The following SAMMSON variants were observed in gnomAD, a reference collection of about 807,000 sequenced individuals.
SAMMSON encodes the protein survival associated mitochondrial melanoma specific oncogenic non-coding RNA.
chr3:70,379,197 A>G (rs931283914), intron 9 of SAMMSON, among the ~76,000 whole-genome samples: 1 of 152,014 alleles, frequency 6.6e-6, no homozygotes, highest in Non-Finnish European at 1.5e-5. Flanking sequence ...TATTTTTAGT[A>G]GAGAAGGTGT....
chr3:70,279,445 A>T (rs975634168), intron 6 of SAMMSON, among the ~76,000 whole-genome samples: 1 of 152,084 alleles, frequency 6.6e-6, no homozygotes, highest in Non-Finnish European at 1.5e-5. Context: ...CACATCTCTG[A>T]GTACATTGTC....
rs137941448 is a variant in SAMMSON, at chr3:70,326,742, A to T, written n.740-27433A>T. ...TATTTTTGTTATTCAATTACCCCAT[A>T]AATAGATATTCTATGGACATGAGAA... is the stretch of plus-strand genomic sequence containing the variant. On this transcript the variant is annotated intron_variant and non_coding_transcript_variant, in intron 7 of 9. Transcript: ENST00000642114. Among the ~76,000 whole-genome samples, 336 of 152,316 alleles carry T rather than the reference A, an allele frequency of 2.2e-3. 1 individual carries two copies. The Middle Eastern group carries it at 0.024, about 11-fold the overall frequency.
At chr3:70,403,325 A>G (rs1184289372) in intron 2 of SAMMSON, among the ~76,000 whole-genome samples, 1 of 152,188 alleles carries the variant, frequency 6.6e-6, no homozygotes, top group Non-Finnish European at 1.5e-5. Context: ...GCCAGGGGAT[A>G]GGGGCCAAAA....
intron 3 of SAMMSON, among the ~76,000 whole-genome samples, chr3:70,028,178 C>T (rs200189784): frequency 0.034 from 2,401 of 69,788 alleles, 31 homozygotes; most frequent in Non-Finnish European, 0.054. Flanking sequence ...TTCCTTCCTT[C>T]CTTCCTTCCT....
chr3:70,291,670 G>A (rs1249440760), intron 7 of SAMMSON, among the ~76,000 whole-genome samples: 1 of 152,158 alleles, frequency 6.6e-6, no homozygotes, highest in Admixed American at 6.5e-5. Context: ...AGATTTGCTA[G>A]CTTTTTCCCA....
At chr3:70,001,376 G>A (rs1027240386) in intron 1 of SAMMSON, among the ~76,000 whole-genome samples, 1 of 151,612 alleles carries the variant, frequency 6.6e-6, no homozygotes, top group Non-Finnish European at 1.5e-5. Context: ...ATACAGAAAT[G>A]AATGGGACAG....
intron 3 of SAMMSON, among the ~76,000 whole-genome samples, chr3:70,015,878 A>G (rs1477647899): frequency 6.6e-6 from 1 of 152,050 alleles, no homozygotes; most frequent in Non-Finnish European, 1.5e-5. Context: ...CCGTGTCCCT[A>G]CAAAGGACAT....
At chr3:70,140,036 A>G (rs920551948) in intron 4 of SAMMSON, among the ~76,000 whole-genome samples, 20 of 152,138 alleles carry the variant, frequency 1.3e-4, no homozygotes, top group African/African-American at 4.6e-4. Context: ...CTTTTCATTA[A>G]TAATTATTTT....
chr3:70,142,212 G>A (rs1041136878), intron 4 of SAMMSON, among the ~76,000 whole-genome samples: 2 of 152,180 alleles, frequency 1.3e-5, no homozygotes, highest in South Asian at 2.1e-4. Flanking sequence ...GTCATTATAC[G>A]AAAAAGATAC....
intron 4 of SAMMSON, among the ~76,000 whole-genome samples, chr3:70,178,585 C>T (rs1334696662): frequency 1.3e-5 from 2 of 152,182 alleles, no homozygotes; most frequent in Non-Finnish European, 2.9e-5. Context: ...ATGAAGGAGG[C>T]ATTTGCTGGG....
intron 4 of SAMMSON, among the ~76,000 whole-genome samples, chr3:70,167,694 C>T (rs1299989187): frequency 1.5e-4 from 23 of 151,928 alleles, no homozygotes; most frequent in Admixed American, 1.4e-3. Flanking sequence ...GCACAAAGAG[C>T]GTTAGGGGAA....
At chr3:70,177,833 A>G (rs1701019002) in intron 4 of SAMMSON, among the ~76,000 whole-genome samples, 1 of 152,172 alleles carries the variant, frequency 6.6e-6, no homozygotes, top group Non-Finnish European at 1.5e-5. Context: ...GTGTCCACTT[A>G]TGGTACCGCC....
intron 2 of SAMMSON, among the ~76,000 whole-genome samples, chr3:70,408,009 C>A (rs2320777): frequency 0.65 from 98,264 of 152,138 alleles, 31,935 homozygotes; most frequent in South Asian, 0.7. Flanking sequence ...CGCAGGCTCA[C>A]CACCACATGG....
chr3:70,353,323 A>G (rs2106735966), intron 7 of SAMMSON, among the ~76,000 whole-genome samples: 1 of 152,192 alleles, frequency 6.6e-6, no homozygotes, highest in African/African-American at 2.4e-5. Flanking sequence ...TTTGCAAATC[A>G]CTTATCTGAG....
chr3:70,383,230 A>G (rs1173712910), intron 9 of SAMMSON, among the ~76,000 whole-genome samples: 3 of 151,960 alleles, frequency 2.0e-5, no homozygotes, highest in African/African-American at 4.8e-5. Flanking sequence ...ATATAAAAAG[A>G]CATATCACTC....
chr3:70,302,299 A>G (rs1320464440), intron 7 of SAMMSON, among the ~76,000 whole-genome samples: 1 of 152,044 alleles, frequency 6.6e-6, no homozygotes, highest in Non-Finnish European at 1.5e-5. Flanking sequence ...CACCTAGTGT[A>G]GGTGCATTTT....
chr3:70,423,694 T>G (rs1223335430), intron 2 of SAMMSON, among the ~76,000 whole-genome samples: 1 of 152,222 alleles, frequency 6.6e-6, no homozygotes. Context: ...TAGGCTCAGC[T>G]GACCTAATTG....
chr3:70,197,656 A>T (rs1052477022), intron 4 of SAMMSON, among the ~76,000 whole-genome samples: 8 of 152,216 alleles, frequency 5.3e-5, no homozygotes, highest in African/African-American at 1.9e-4. Flanking sequence ...GGATTCCCAT[A>T]AATCTGCCAC....
intron 9 of SAMMSON, among the ~76,000 whole-genome samples, chr3:70,372,086 G>C (rs1207062934): frequency 6.6e-6 from 1 of 152,002 alleles, no homozygotes; most frequent in Non-Finnish European, 1.5e-5. Flanking sequence ...TGTCTATTGA[G>C]AATCATCAGA....
Sources: gnomAD v4.1 joint callset for allele counts (sites outside exome capture counted in the v4.1 genomes callset) on GRCh38, gnomAD v4.1.1 for gene constraint, MANE v1.5 for transcripts, NCBI Gene and HGNC (gene_info 2026-07-23, HGNC 2026-07-21) for gene names.